LRP2: variants seen among roughly 807,000 people sequenced by gnomAD.
LRP2 encodes the protein LDL receptor related protein 2.
Under a neutral mutation model 531.0 loss-of-function variants are expected in LRP2, and 172 were observed. That is an observed-to-expected ratio of 0.32 (90% CI 0.29 to 0.37). The LOEUF (loss-of-function observed/expected upper bound fraction) is 0.37, where lower values mean the gene tolerates loss of function less well. Among genes scored for constraint, LRP2 ranks in the 10% least tolerant of loss-of-function variants. The pLI, the probability that LRP2 is intolerant of heterozygous loss-of-function variation, is 1.00. For missense variants in LRP2, 5,167 were observed against 5,868.3 expected, an observed-to-expected ratio of 0.88 and a Z score of 3.90; for synonymous variants, 1,992 against 2,027.6, an observed-to-expected ratio of 0.98 and a Z score of 0.47.
In LRP2 at chr2:169,202,826, G is replaced by C. The variant is rs1688246699; in HGVS notation, c.8139C>G (p.Ile2713Met). Residue 2713 changes from isoleucine to methionine, a missense_variant, in exon 43 of 79, where the codon ATC becomes ATG. By Grantham distance (10) the Ile-to-Met change is conservative. Coordinates refer to ENST00000649046, the MANE Select transcript of LRP2 (RefSeq NM_004525.3). ...CATTATCACACTTCCACTCTTCCGAGATGCAGCGCCCATTGGAGCAGGTGA... is the reference window on the plus strand; with the variant it reads ...CATTATCACACTTCCACTCTTCCGACATGCAGCGCCCATTGGAGCAGGTGA... ...SSFTCSNGRC[I>M]SEEWKCDNDN... 1.9e-6 allele frequency: 3 copies of C among 1,614,194 alleles called. No homozygotes were observed. The highest frequency in any genetic ancestry group is 1.6e-4 in the Middle Eastern group (1 of 6,062).
intron 33 of LRP2, among the ~76,000 whole-genome samples, chr2:169,223,392 A>ATTTTATC (rs1689086283): frequency 6.6e-6 from 1 of 152,198 alleles, no homozygotes; most frequent in East Asian, 1.9e-4. Context: ...CCATTTACTA[A>ATTTTATC]TCAAGAGACA....
chr2:169,238,082 T>C lies in LRP2; in HGVS notation c.4506+9A>G. 1.9e-6 allele frequency: 3 copies of C among 1,612,352 alleles called. No individual in the cohort carries two copies. In the South Asian group the frequency reaches 3.3e-5, roughly 18 times the overall value. ...TAGCCAGGCCAAAGGTCAACAGAAA[T>C]GTACTTACCACTCTTCTGTCCGTTC... On this transcript the variant is annotated intron_variant, in intron 27 of 78. Transcript: ENST00000649046.
At chr2:169,130,928 C>T (rs1685261833) in intron 77 of LRP2, among the ~76,000 whole-genome samples, 1 of 152,208 alleles carries the variant, frequency 6.6e-6, no homozygotes, top group African/African-American at 2.4e-5. Context: ...TGATAACAGA[C>T]ATGCAGATCA....
intron 28 of LRP2, 148 bp from the exon 29 acceptor site, chr2:169,236,216 C>A (rs1264026552): frequency 1.4e-6 from 1 of 711,458 alleles, no homozygotes; most frequent in Non-Finnish European, 2.4e-6. Context: ...TTATTGTTTC[C>A]TCTAAGTGTC....
chr2:169,292,208 A>G, intron 7 of LRP2, 45 bp downstream of exon 7: 1 of 1,368,658 alleles, frequency 7.3e-7, no homozygotes, highest in Non-Finnish European at 1.0e-6. Flanking sequence ...GCTGGAAAAC[A>G]CTTGAAGAAA....
rs1344881558 is a variant in LRP2, at chr2:169,139,279, G to C, written c.13360C>G (p.Leu4454Val). ...GFFHYRRTGS[L>V]LPALPKLPSL... ...GGCAGCTTGGGCAGAGCAGGCAAAAGGGAGCCGGTCCTTCTATAGTGGAAG... is the reference window on the plus strand; with the variant it reads ...GGCAGCTTGGGCAGAGCAGGCAAAACGGAGCCGGTCCTTCTATAGTGGAAG... The change falls in exon 74 of 79, where the codon CTT becomes GTT. Residue 4454 changes from leucine to valine, a missense_variant. Leu to Val is a conservative substitution (Grantham distance 32, BLOSUM62 1). Transcript: ENST00000649046. 2 of 1,614,206 alleles carry C rather than the reference G, an allele frequency of 1.2e-6. No homozygotes were observed. The highest frequency in any genetic ancestry group is 2.2e-5 in the South Asian group (2 of 91,092).
intron 16 of LRP2, among the ~76,000 whole-genome samples, chr2:169,264,410 C>T (rs2105423420): frequency 6.6e-6 from 1 of 152,022 alleles, no homozygotes; most frequent in Middle Eastern, 3.4e-3. Flanking sequence ...AGCTAGAAAC[C>T]CAATACTACC....
At chr2:169,334,269 A>ATATACAGTAATAAACTGTATATAT (rs1685343300) in intron 1 of LRP2, among the ~76,000 whole-genome samples, 1 of 152,232 alleles carries the variant, frequency 6.6e-6, no homozygotes. Context: ...GTAATAAACT[A>ATATACAGTAATAAACTGTATATAT]TACCAGAAAA....
intron 3 of LRP2, among the ~76,000 whole-genome samples, chr2:169,314,421 C>G (rs1442378532): frequency 7.7e-6 from 1 of 130,168 alleles, no homozygotes; most frequent in Non-Finnish European, 1.6e-5. Context: ...AGACCCCTGT[C>G]TCTAAAAAAA....
chr2:169,264,045 A>G (rs1185861223), intron 16 of LRP2, among the ~76,000 whole-genome samples: 1 of 152,132 alleles, frequency 6.6e-6, no homozygotes, highest in African/African-American at 2.4e-5. Context: ...GAATTGAACA[A>G]TGAGAACACA....
At chr2:169,323,478 G>C (rs1684958376) in intron 1 of LRP2, among the ~76,000 whole-genome samples, 1 of 152,048 alleles carries the variant, frequency 6.6e-6, no homozygotes, top group South Asian at 2.1e-4. Flanking sequence ...GTCTAGATTA[G>C]GTCTAATAAC....
chr2:169,193,959 TGGTTGTAGCATG>T (rs1687918034), intron 46 of LRP2, 67 bp from the exon 47 acceptor site: 1 of 1,580,436 alleles, frequency 6.3e-7, no homozygotes, highest in South Asian at 1.1e-5. Flanking sequence ...GGAGACAAGC[TGGTTGTAGCATG>T]GGTTGTCTAG....
In LRP2 at chr2:169,175,452, A is replaced by AAG. The variant is rs1687157462; in HGVS notation, c.10572-65_10572-64dup. The AAG allele has an allele frequency of 1.6e-5, 24 of 1,498,712 alleles. No homozygotes were observed. The South Asian group carries it at 2.7e-4, about 17-fold the overall frequency. 92.8% of individuals were successfully genotyped at this position (1,498,712 alleles called of 1,614,324 possible). On this transcript the variant is annotated intron_variant, in intron 54 of 78. Coordinates refer to ENST00000649046, the MANE Select transcript of LRP2 (RefSeq NM_004525.3). ...CCAGGGGCAACAGTTATCTGGAGAGAAGAAGTCAACACTGAATTCCAAGAA... is the reference window on the plus strand; with the variant it reads ...CCAGGGGCAACAGTTATCTGGAGAGAAGAGAAGTCAACACTGAATTCCAAGAA...
At position 169,182,086 on chromosome 2, in the gene LRP2, T is replaced by C. The variant is rs1476960417; in HGVS notation, c.9998+81A>G. On this transcript the variant is annotated intron_variant, in intron 51 of 78. Coordinates refer to ENST00000649046, the MANE Select transcript of LRP2 (RefSeq NM_004525.3). ...CCCCAGCAAGACATTGGCCTTGAGA[T>C]AGTTACATGAACAGCCTTCTCGGTA... 22 of 1,566,550 alleles carry C rather than the reference T, an allele frequency of 1.4e-5. No homozygotes were observed. The South Asian group carries it at 2.0e-4, about 14-fold the overall frequency.
At chr2:169,224,919 G>A (rs1309003539) in intron 33 of LRP2, among the ~76,000 whole-genome samples, 6 of 151,768 alleles carry the variant, frequency 4.0e-5, no homozygotes, top group Admixed American at 1.3e-4. Flanking sequence ...GTGAAACCCC[G>A]TCTCTACTAA....
At chr2:169,310,698 G>A (rs1392861870) in intron 3 of LRP2, among the ~76,000 whole-genome samples, 1 of 152,194 alleles carries the variant, frequency 6.6e-6, no homozygotes, top group African/African-American at 2.4e-5. Context: ...TTTGGTATCA[G>A]GATGATGCTG....
At chr2:169,297,034 G>A (rs1196851751) in intron 4 of LRP2, among the ~76,000 whole-genome samples, 2 of 152,080 alleles carry the variant, frequency 1.3e-5, no homozygotes, top group Admixed American at 1.3e-4. Flanking sequence ...AGTTAACCTG[G>A]GATGTATACT....
At chr2:169,234,456 T>C (rs998899907) in intron 29 of LRP2, among the ~76,000 whole-genome samples, 12 of 152,360 alleles carry the variant, frequency 7.9e-5, no homozygotes, top group East Asian at 5.8e-4. Flanking sequence ...TTCATCCATA[T>C]CCCTGCAAAG....
intron 33 of LRP2, among the ~76,000 whole-genome samples, chr2:169,223,526 G>A (rs1410966586): frequency 1.3e-5 from 2 of 152,144 alleles, no homozygotes; most frequent in African/African-American, 2.4e-5. Context: ...CCTGTTTAAT[G>A]GGAGGATGAT....
Sources: gnomAD v4.1 joint callset for allele counts (sites outside exome capture counted in the v4.1 genomes callset) on GRCh38, gnomAD v4.1.1 for gene constraint, MANE v1.5 for transcripts, NCBI Gene and HGNC (gene_info 2026-07-23, HGNC 2026-07-21) for gene names.